Variants in DES observed in about 807,000 individuals in gnomAD.
The protein encoded by DES is desmin.
Under a neutral mutation model 55.1 loss-of-function variants are expected in DES, and 34 were observed. That is an observed-to-expected ratio of 0.62 (90% confidence interval 0.47 to 0.82). DES has a LOEUF of 0.82. Ranked by LOEUF, DES falls within the 40% of genes least tolerant of loss-of-function variation. DES has a pLI of 0.00. For missense variants in DES, 596 were observed against 645.9 expected, an observed-to-expected ratio of 0.92 and a Z score of 0.84; for synonymous variants, 259 against 270.8, an observed-to-expected ratio of 0.96 and a Z score of 0.43.
At chr2:219,421,035 T>C in intron 5 of DES, 82 bp downstream of exon 5, 2 of 1,549,290 alleles carry the variant, frequency 1.3e-6, no homozygotes, top group South Asian at 1.2e-5. Context: ...GGGCCCATCA[T>C]AGATCCTCTC....
In DES at chr2:219,421,415, A is replaced by C. The variant is rs62636494; in HGVS notation, c.1099A>C (p.Ile367Leu). 3.1e-6 allele frequency: 5 copies of C among 1,614,050 alleles called. No homozygotes were observed. The East Asian group carries it at 8.9e-5, about 29-fold the overall frequency. ...TGAGGCCAGTGGCTACCAGGACAAC[A>C]TTGCGCGCCTGGAGGAGGAAATCCG... ...ASEASGYQDN[I>L]ARLEEEIRHL... The change falls in exon 6 of 9, where the codon ATT becomes CTT. Residue 367 changes from isoleucine to leucine, a missense_variant. By Grantham distance (5) the Ile-to-Leu change is conservative. Transcript: ENST00000373960.
At chr2:219,421,972 C>T (rs72963600) in intron 6 of DES, among the ~76,000 whole-genome samples, 3,419 of 152,190 alleles carry the variant, frequency 0.022, 51 homozygotes, top group South Asian at 0.046. Context: ...GGCGTGGAAA[C>T]AATTTTATAC....
rs779098835 is a variant in DES, at chr2:219,421,333, C to T, written c.1024-7C>T. The T allele has an allele frequency of 1.9e-6, 3 of 1,613,886 alleles. No homozygotes were observed. The highest frequency in any genetic ancestry group is 3.3e-5 in the Admixed American group (2 of 60,008). ...CTTCCTTGACCTGGGTTCCCCCTCT[C>T]CTGCAGAACGATTCCCTGATGAGGC... On this transcript the variant is annotated splice_polypyrimidine_tract_variant and splice_region_variant and intron_variant, in intron 5 of 8. Transcript: ENST00000373960.
At chr2:219,425,333 A>T in intron 7 of DES, 1 of 359,586 alleles carries the variant, frequency 2.8e-6, no homozygotes, top group Non-Finnish European at 5.3e-6. Context: ...CTGGGGGTGG[A>T]GAGGAACTAG....
In DES at chr2:219,420,582, A is replaced by G. The variant is rs994389035; in HGVS notation, c.823A>G (p.Arg275Gly). ...MSKPDLTAAL[R>G]DIRAQYETIA... ...TAAGCCAGACCTCACTGCCGCCCTC[A>G]GGGACATCCGGGCTCAGTATGAGAC... is the stretch of plus-strand genomic sequence containing the variant. The change falls in exon 4 of 9, where the codon AGG becomes GGG. Residue 275 changes from arginine to glycine, a missense_variant. By Grantham distance (125) the Arg-to-Gly change is moderately radical (BLOSUM62 -2). Transcript: ENST00000373960. The surrounding 1 kb of genome is among the most constrained non-coding windows in gnomAD (Gnocchi z 6.0). 10 of 1,614,028 alleles carry G rather than the reference A, an allele frequency of 6.2e-6. No homozygotes were observed. Among genetic ancestry groups the G allele is most frequent in the Non-Finnish European group, 8.5e-6 (10 of 1,180,010 alleles).
At position 219,423,929 on chromosome 2, in the gene DES, A is replaced by G; in HGVS notation, c.1288+109A>G. The G allele has an allele frequency of 4.0e-6, 5 of 1,255,906 alleles. No homozygotes were observed. The South Asian group carries it at 4.8e-5, about 12-fold the overall frequency. The allele number at this position is 1,255,906 out of a possible 1,614,324, so 77.8% of individuals were successfully genotyped here. A position where few individuals can be genotyped will look rare whatever the true frequency, so the allele number is the denominator to read the frequency against. The stretch of plus-strand genomic sequence containing the variant: ...AGGATGGGACCCTGGGGCTAGGGAC[A>G]GACCTGGAGTCTGGGGAAGAAAAAG... On this transcript the variant is annotated intron_variant, in intron 7 of 8. Coordinates refer to ENST00000373960, the MANE Select transcript of DES (RefSeq NM_001927.4).
intron 6 of DES, 37 bp downstream of exon 6, chr2:219,421,597 G>T: frequency 6.3e-7 from 1 of 1,594,978 alleles, no homozygotes; most frequent in East Asian, 2.2e-5. Context: ...GGGAGGTGCG[G>T]GGTGCTGGGT....
Position 219,419,348 on chromosome 2 carries a change from C to A in DES, c.578+308C>A, listed in dbSNP as rs561055590. Among the ~76,000 whole-genome samples the A allele has an allele frequency of 1.1e-4, 16 of 152,142 alleles. No individual in the cohort carries two copies. The highest frequency in any genetic ancestry group is 2.2e-4 in the Non-Finnish European group (15 of 68,022). On this transcript the variant is annotated intron_variant, in intron 1 of 8. Transcript: ENST00000373960. The surrounding 1 kb of genome is among the most constrained non-coding windows in gnomAD (Gnocchi z 4.3). Reference sequence around the variant, plus strand: ...TAAAAAGCATTTTAAGATGCTGGGGCGATATTTATGGGGTCAGGTAGTTGA... The same window carrying A: ...TAAAAAGCATTTTAAGATGCTGGGGAGATATTTATGGGGTCAGGTAGTTGA...
Position 219,420,181 on chromosome 2 carries a change from A to G in DES, c.639+26A>G, listed in dbSNP as rs904992772. On this transcript the variant is annotated intron_variant, in intron 2 of 8. Coordinates refer to ENST00000373960, the MANE Select transcript of DES (RefSeq NM_001927.4). The surrounding 1 kb of genome is among the most constrained non-coding windows in gnomAD (Gnocchi z 6.0). ...GTGAGTGCCCTTCTTTTCCCCTTGC[A>G]TGGCCTCTGGCCTTGCTCTGCCCCA... The G allele has an allele frequency of 6.2e-7, 1 of 1,614,170 alleles. No homozygotes were observed.
Position 219,419,792 on chromosome 2 carries a change from T to G in DES, c.579-303T>G, listed in dbSNP as rs908844615. Among the ~76,000 whole-genome samples, 3 of 152,224 alleles carry G rather than the reference T, an allele frequency of 2.0e-5. No homozygotes were observed. The highest frequency in any genetic ancestry group is 1.3e-4 in the Admixed American group (2 of 15,292). The stretch of plus-strand genomic sequence containing the variant: ...AATTGAGCAGCTATATTGGCCAGGC[T>G]GGAGCTGGGAACCAGAAACACAGAG... On this transcript the variant is annotated intron_variant, in intron 1 of 8. Coordinates refer to ENST00000373960, the MANE Select transcript of DES (RefSeq NM_001927.4). The surrounding 1 kb of genome is among the most constrained non-coding windows in gnomAD (Gnocchi z 4.3).
rs1210893140 is a variant in DES, at chr2:219,423,633, G to T, written c.1245-144G>T. On this transcript the variant is annotated intron_variant, in intron 6 of 8. Coordinates refer to ENST00000373960, the MANE Select transcript of DES (RefSeq NM_001927.4). Reference sequence around the variant, plus strand: ...TTTTTGTATTTTTAGTAGAGACGGGGTTTCACTGTGTTAGCCAGGATGGTC... The same window carrying T: ...TTTTTGTATTTTTAGTAGAGACGGGTTTTCACTGTGTTAGCCAGGATGGTC... The T allele has an allele frequency of 1.1e-5, 8 of 743,330 alleles. No homozygotes were observed. The Admixed American group carries it at 1.6e-4, about 14-fold the overall frequency. The allele number at this position is 743,330 out of a possible 1,614,324, so 46.0% of individuals were successfully genotyped here. A position where few individuals can be genotyped will look rare whatever the true frequency, so the allele number is the denominator to read the frequency against.
rs576601480 is a variant in DES, at chr2:219,420,144, G to A, written c.628G>A (p.Ala210Thr). Residue 210 changes from alanine to threonine, a missense_variant, in exon 2 of 9, where the codon GCC becomes ACC. Physicochemically the swap from Ala to Thr is moderately conservative, Grantham distance 58 (BLOSUM62 0). Coordinates refer to ENST00000373960, the MANE Select transcript of DES (RefSeq NM_001927.4). The surrounding 1 kb of genome is among the most constrained non-coding windows in gnomAD (Gnocchi z 6.0). ...LKEEAENNLA[A>T]FRADVDAATL... ...GGAAGAAGCAGAGAACAATTTGGCT[G>A]CCTTCCGAGCGGTGAGTGCCCTTCT... 2 of 1,614,214 alleles carry A rather than the reference G, an allele frequency of 1.2e-6. No homozygotes were observed. Among genetic ancestry groups the A allele is most frequent in the South Asian group, 1.1e-5 (1 of 91,078 alleles).
At chr2:219,425,877 G>A (rs1311469239) in intron 8 of DES, 72 bp from the exon 9 acceptor site, 2 of 1,603,980 alleles carry the variant, frequency 1.2e-6, no homozygotes, top group Non-Finnish European at 1.7e-6. Flanking sequence ...GCCCTGGGGT[G>A]GGGATGGCTC....
At position 219,423,356 on chromosome 2, in the gene DES, C is replaced by T. The variant is rs139566355; in HGVS notation, c.1245-421C>T. ...TATGGGTGGTGGGAGTGCTGGGGTC[C>T]GTGGGACTGGGACAGCTGAGGATGG... On this transcript the variant is annotated intron_variant, in intron 6 of 8. Coordinates refer to ENST00000373960, the MANE Select transcript of DES (RefSeq NM_001927.4). Among the ~76,000 whole-genome samples the T allele has an allele frequency of 4.6e-5, 7 of 151,968 alleles. No homozygotes were observed. The East Asian group carries it at 7.7e-4, about 17-fold the overall frequency.
At chr2:219,422,406 C>T (rs569620848) in intron 6 of DES, among the ~76,000 whole-genome samples, 1 of 150,714 alleles carries the variant, frequency 6.6e-6, no homozygotes, top group South Asian at 2.1e-4. Flanking sequence ...CAGAAAACAA[C>T]ATACAACTGG....
At position 219,419,321 on chromosome 2, in the gene DES, G is replaced by A. The variant is rs757536503; in HGVS notation, c.578+281G>A. On this transcript the variant is annotated intron_variant, in intron 1 of 8. Coordinates refer to ENST00000373960, the MANE Select transcript of DES (RefSeq NM_001927.4). This position sits in a 1 kb window ranked among gnomAD's most constrained non-coding sequence, Gnocchi z 4.3. ...GACCCGGTGCCCTGTGGACAGCCCC[G>A]TTAAAAAGCATTTTAAGATGCTGGG... Among the ~76,000 whole-genome samples the A allele has an allele frequency of 2.0e-5, 3 of 152,212 alleles. No homozygotes were observed. The highest frequency in any genetic ancestry group is 2.1e-4 in the South Asian group (1 of 4,834).
At chr2:219,421,649 C>A in intron 6 of DES, 89 bp downstream of exon 6, 1 of 1,254,462 alleles carries the variant, frequency 8.0e-7, no homozygotes, top group Non-Finnish European at 1.1e-6. Flanking sequence ...TACTGATTAC[C>A]TCAACAAGAC....
In DES at chr2:219,420,968, A is replaced by C. The variant is rs755376246; in HGVS notation, c.1023+15A>C. 2 of 1,611,466 alleles carry C rather than the reference A, an allele frequency of 1.2e-6. No individual in the cohort carries two copies. Among genetic ancestry groups the C allele is most frequent in the South Asian group, 1.1e-5 (1 of 90,814 alleles). ...TGAAGGGCACTGTGAGTCCCTGCCC[A>C]CCTGGCCAGGCCCTGCCCCTTCCTG... is the stretch of plus-strand genomic sequence containing the variant. On this transcript the variant is annotated intron_variant, in intron 5 of 8. Coordinates refer to ENST00000373960, the MANE Select transcript of DES (RefSeq NM_001927.4). This position sits in a 1 kb window ranked among gnomAD's most constrained non-coding sequence, Gnocchi z 6.0.
chr2:219,418,893 A>G lies in DES; in HGVS notation c.431A>G (p.Lys144Arg). The change falls in exon 1 of 9, where the codon AAG becomes AGG. Residue 144 changes from lysine (K) to arginine (R), a missense_variant. Coordinates refer to ENST00000373960, the MANE Select transcript of DES (RefSeq NM_001927.4). Reference protein sequence around the residue: ...AALAAEVNRLKGREPTRVAEL... With the variant: ...AALAAEVNRLRGREPTRVAEL... ...CTCGCCGCCGAAGTGAACCGGCTCA[A>G]GGGCCGCGAGCCGACGCGAGTGGCC... 1 of 1,564,684 alleles carries G rather than the reference A, an allele frequency of 6.4e-7. No homozygotes were observed. Among genetic ancestry groups the G allele is most frequent in the Non-Finnish European group, 8.7e-7 (1 of 1,155,468 alleles).
Sources: allele counts gnomAD v4.1 joint callset (sites outside exome capture counted in the v4.1 genomes callset), GRCh38; gene constraint gnomAD v4.1.1; non-coding constraint Gnocchi (gnomAD v3.1); transcripts MANE v1.5; gene names NCBI Gene and HGNC (gene_info 2026-07-23, HGNC 2026-07-21).